The following TNR variants were observed in gnomAD, a reference collection of about 807,000 sequenced individuals.
TNR encodes tenascin-R.
A neutral mutation model predicts 150.4 loss-of-function variants in TNR; 45 were observed. That is an observed-to-expected ratio of 0.30 (90% CI 0.24 to 0.38). The LOEUF is 0.38. Ranked by LOEUF, TNR falls within the 10% of genes least tolerant of loss-of-function variation. The pLI is 1.00. For missense variants in TNR, 1,544 were observed against 1,759.1 expected, an observed-to-expected ratio of 0.88 and a Z score of 2.19; for synonymous variants, 687 against 678.4, an observed-to-expected ratio of 1.01 and a Z score of -0.20.
chr1:175,358,336 G>C (rs1651424463), intron 15 of TNR, among the ~76,000 whole-genome samples: 1 of 152,194 alleles, frequency 6.6e-6, no homozygotes, highest in African/African-American at 2.4e-5. Context: ...GGGGTTTTCT[G>C]ATGCCTTGCT....
intron 1 of TNR, among the ~76,000 whole-genome samples, chr1:175,534,591 T>G (rs1205207573): frequency 6.6e-6 from 1 of 152,224 alleles, no homozygotes; most frequent in Non-Finnish European, 1.5e-5. Flanking sequence ...CTTTATCTAG[T>G]GAGCAATTTC....
At chr1:175,609,119 A>AT (rs1353507036) in intron 1 of TNR, among the ~76,000 whole-genome samples, 1 of 152,210 alleles carries the variant, frequency 6.6e-6, no homozygotes, top group Non-Finnish European at 1.5e-5. Flanking sequence ...TGTGCACATC[A>AT]TGGAGCACTT....
At chr1:175,336,496 G>T (rs552173683) in intron 19 of TNR, among the ~76,000 whole-genome samples, 1 of 152,242 alleles carries the variant, frequency 6.6e-6, no homozygotes, top group Non-Finnish European at 1.5e-5. Flanking sequence ...AAAGAAGGGC[G>T]GAGGGGCTGG....
intron 1 of TNR, among the ~76,000 whole-genome samples, chr1:175,635,087 T>C (rs1346084209): frequency 1.3e-4 from 20 of 152,270 alleles, no homozygotes; most frequent in Non-Finnish European, 1.5e-5. Context: ...ATAAGGTATA[T>C]CCCAGAAAAC....
chr1:175,638,458 C>T (rs1333690617), intron 1 of TNR, among the ~76,000 whole-genome samples: 1 of 152,134 alleles, frequency 6.6e-6, no homozygotes, highest in African/African-American at 2.4e-5. Flanking sequence ...GATGGCTTCG[C>T]GGTAAGTGGG....
intron 1 of TNR, among the ~76,000 whole-genome samples, chr1:175,570,358 A>T (rs1303520337): frequency 6.6e-6 from 1 of 152,194 alleles, no homozygotes; most frequent in Non-Finnish European, 1.5e-5. Flanking sequence ...GCGGAGGAGA[A>T]AAAAGAAAGG....
At chr1:175,641,685 T>C (rs1472956222) in intron 1 of TNR, among the ~76,000 whole-genome samples, 2 of 152,130 alleles carry the variant, frequency 1.3e-5, no homozygotes, top group Non-Finnish European at 2.9e-5. Context: ...AAAAAAGTAC[T>C]TTTCACTAAT....
chr1:175,426,834 T>G (rs952520240), intron 2 of TNR, among the ~76,000 whole-genome samples: 1 of 110,254 alleles, frequency 9.1e-6, no homozygotes, highest in Admixed American at 1.0e-4. Flanking sequence ...ATATAAAATA[T>G]ATTATATATA....
chr1:175,696,905 A>G (rs1172811469), intron 1 of TNR, among the ~76,000 whole-genome samples: 2 of 151,758 alleles, frequency 1.3e-5, no homozygotes, highest in African/African-American at 4.8e-5. Context: ...AAAGAATATC[A>G]TAATTTTAAA....
chr1:175,343,274 G>A (rs1202956239), intron 18 of TNR, among the ~76,000 whole-genome samples: 2 of 152,112 alleles, frequency 1.3e-5, no homozygotes, highest in East Asian at 1.9e-4. Context: ...AGCCTCATTA[G>A]CTTTCTTGTA....
At position 175,317,358 on chromosome 1, in the gene TNR, T is replaced by G. The variant is rs979220371; in HGVS notation, c.*5999A>C. On this transcript the variant is annotated 3_prime_UTR_variant, in exon 23 of 23. Transcript: ENST00000367674. The stretch of plus-strand genomic sequence containing the variant: ...TTGAGAGGAAATAAAATGAGAGGAT[T>G]ATATTAGATGATCTTGAGTCCCATC... 3.3e-5 allele frequency: 5 copies of G among 152,232 alleles called. No individual in the cohort carries two copies. Among genetic ancestry groups the G allele is most frequent in the African/African-American group, 1.2e-4 (5 of 41,460 alleles). The allele number at this position is 152,232 out of a possible 1,614,324, so 9.4% of individuals were successfully genotyped here.
chr1:175,342,069 T>C (rs1200948682), intron 18 of TNR, among the ~76,000 whole-genome samples: 1 of 152,204 alleles, frequency 6.6e-6, no homozygotes, highest in East Asian at 1.9e-4. Context: ...AGAGTGTCTG[T>C]TGGGTTCTAA....
intron 2 of TNR, among the ~76,000 whole-genome samples, chr1:175,521,847 A>G (rs535759748): frequency 1.3e-5 from 2 of 152,234 alleles, no homozygotes; most frequent in South Asian, 2.1e-4. Context: ...AACACAGCCA[A>G]TGCCAGGAAG....
chr1:175,331,061 CT>C (rs1390772258), intron 20 of TNR, among the ~76,000 whole-genome samples: 6 of 126,730 alleles, frequency 4.7e-5, no homozygotes, highest in African/African-American at 9.7e-5. Context: ...TTCTTTCTTT[CT>C]TTCTTTCTTT....
intron 2 of TNR, among the ~76,000 whole-genome samples, chr1:175,426,519 A>G (rs1009749956): frequency 1.3e-5 from 2 of 152,086 alleles, no homozygotes; most frequent in African/African-American, 4.8e-5. Context: ...GCAGAACTTG[A>G]AAGTGACAAG....
At chr1:175,365,542 A>G (rs1651796519) in intron 11 of TNR, among the ~76,000 whole-genome samples, 2 of 152,196 alleles carry the variant, frequency 1.3e-5, no homozygotes, top group African/African-American at 4.8e-5. Context: ...GAAAGCCTGT[A>G]TCCTGGAATG....
At position 175,330,246 on chromosome 1, in the gene TNR, G is replaced by A. The variant is rs1002022614; in HGVS notation, c.3632-11C>T. On this transcript the variant is annotated splice_polypyrimidine_tract_variant and intron_variant, in intron 20 of 22. Coordinates refer to ENST00000367674, the MANE Select transcript of TNR (RefSeq NM_003285.3). Reference sequence around the variant, plus strand: ...GTATATTGTCCAGCCCTGTGGAGAAGAGCAGAAAATGCACTGAGACTGGCC... The same window carrying A: ...GTATATTGTCCAGCCCTGTGGAGAAAAGCAGAAAATGCACTGAGACTGGCC... 6.6e-6 allele frequency: 10 copies of A among 1,526,544 alleles called. No individual in the cohort carries two copies. Among genetic ancestry groups the A allele is most frequent in the East Asian group, 2.3e-5 (1 of 43,146 alleles). 94.6% of individuals were successfully genotyped at this position (1,526,544 alleles called of 1,614,324 possible).
At chr1:175,380,915 G>A (rs368811915) in intron 8 of TNR, among the ~76,000 whole-genome samples, 23 of 152,324 alleles carry the variant, frequency 1.5e-4, no homozygotes, top group African/African-American at 5.5e-4. Flanking sequence ...CAAAAGCAAG[G>A]CAAGTTTCCA....
chr1:175,443,793 G>A (rs1305888665), intron 2 of TNR, among the ~76,000 whole-genome samples: 3 of 152,314 alleles, frequency 2.0e-5, no homozygotes, highest in Admixed American at 2.0e-4. Flanking sequence ...AATGCAAAAA[G>A]ATGGATTGTG....
Sources: gnomAD v4.1 joint callset for allele counts (sites outside exome capture counted in the v4.1 genomes callset) on GRCh38, gnomAD v4.1.1 for gene constraint, MANE v1.5 for transcripts, NCBI Gene and HGNC (gene_info 2026-07-23, HGNC 2026-07-21) for gene names.